The following IMMP2L variants were observed in gnomAD, a reference collection of about 807,000 sequenced individuals.
The protein encoded by IMMP2L is mitochondrial inner membrane protease subunit 2.
Under a neutral mutation model 19.3 loss-of-function variants are expected in IMMP2L, and 18 were observed. That is an observed-to-expected ratio of 0.93 (90% CI 0.64 to 1.38). The LOEUF (loss-of-function observed/expected upper bound fraction) is 1.38. Among genes scored for constraint, IMMP2L ranks in the 40% most tolerant of loss-of-function variants. The probability of loss-of-function intolerance (pLI) is 0.00; values close to 1 mark genes in which losing one functional copy is unlikely to be tolerated. For synonymous variants in IMMP2L, 76 were observed against 73.0 expected (o/e 1.04, Z -0.21); for missense variants, 233 against 218.2 (o/e 1.07, Z -0.43).
At chr7:111,412,710 C>A (rs1834544732) in intron 3 of IMMP2L, among the ~76,000 whole-genome samples, 1 of 151,690 alleles carries the variant, frequency 6.6e-6, no homozygotes, top group Admixed American at 6.6e-5. Flanking sequence ...TACCTCATAT[C>A]AATTTAATCA....
At chr7:110,772,111 CAGAGTCAAGGGGG>C (rs1413211479) in intron 5 of IMMP2L, among the ~76,000 whole-genome samples, 1 of 152,084 alleles carries the variant, frequency 6.6e-6, no homozygotes, top group Non-Finnish European at 1.5e-5. Context: ...CCTTAATCAT[CAGAGTCAAGGGGG>C]AGAGAGTGGT....
chr7:110,667,092 G>A (rs1053150407), intron 5 of IMMP2L, among the ~76,000 whole-genome samples: 6 of 152,050 alleles, frequency 3.9e-5, no homozygotes, highest in East Asian at 1.9e-4. Context: ...AGATGGTCTC[G>A]ATCTTCTGAC....
chr7:110,963,424 G>T, intron 4 of IMMP2L, 76 bp downstream of exon 4: 2 of 1,040,488 alleles, frequency 1.9e-6, no homozygotes, highest in Non-Finnish European at 2.9e-6. Flanking sequence ...GACTTCAGAT[G>T]TATTTCCCAA....
chr7:110,730,878 C>T (rs1242186997), intron 5 of IMMP2L, among the ~76,000 whole-genome samples: 1 of 152,184 alleles, frequency 6.6e-6, no homozygotes, highest in Non-Finnish European at 1.5e-5. Context: ...GGGACTTCAC[C>T]TTGTGATCGT....
At chr7:111,152,494 A>G (rs1298621434) in intron 3 of IMMP2L, among the ~76,000 whole-genome samples, 3 of 152,178 alleles carry the variant, frequency 2.0e-5, no homozygotes, top group African/African-American at 7.2e-5. Context: ...TTCTTAGTAG[A>G]ACAAATTTTG....
intron 4 of IMMP2L, among the ~76,000 whole-genome samples, chr7:110,926,175 T>C (rs1814829134): frequency 6.6e-6 from 1 of 152,046 alleles, no homozygotes; most frequent in Non-Finnish European, 1.5e-5. Flanking sequence ...TGTTTAAGTA[T>C]ATAATTGTAC....
rs572258847 is a variant in IMMP2L at position 110,663,239 on chromosome 7, T to C, written c.*363A>G. 127 of 194,290 alleles carry C rather than the reference T, an allele frequency of 6.5e-4. No homozygotes were observed. The highest frequency in any genetic ancestry group is 3.0e-3 in the African/African-American group (124 of 41,864). The allele number at this position is 194,290 out of a possible 1,614,324, so 12.0% of individuals were successfully genotyped here. ...TTATTGAATATTAATTTTCAATTTA[T>C]TTCAGCAGCAAGCACCAAAATCAAA... On this transcript the variant is annotated 3_prime_UTR_variant, in exon 6 of 6. Transcript: ENST00000405709.
At chr7:111,260,381 A>T (rs553598221) in intron 3 of IMMP2L, among the ~76,000 whole-genome samples, 1 of 152,296 alleles carries the variant, frequency 6.6e-6, no homozygotes, top group South Asian at 2.1e-4. Context: ...GTTAACTGAA[A>T]CATCATTATG....
intron 2 of IMMP2L, among the ~76,000 whole-genome samples, chr7:111,494,490 T>C (rs1255944506): frequency 6.6e-6 from 1 of 152,180 alleles, no homozygotes; most frequent in Non-Finnish European, 1.5e-5. Flanking sequence ...ACTCATCTAT[T>C]TCTCTGCTTC....
intron 3 of IMMP2L, among the ~76,000 whole-genome samples, chr7:111,414,728 T>G (rs1303042404): frequency 3.3e-5 from 5 of 151,822 alleles, no homozygotes; most frequent in African/African-American, 1.2e-4. Flanking sequence ...AATGTAAGAC[T>G]ATCATAATAG....
intron 4 of IMMP2L, among the ~76,000 whole-genome samples, chr7:110,949,318 G>A (rs182592860): frequency 1.4e-4 from 21 of 152,042 alleles, no homozygotes; most frequent in Non-Finnish European, 2.5e-4. Context: ...AGCAATTCAG[G>A]AAAATCTCAC....
chr7:110,875,054 T>C (rs889283179), intron 5 of IMMP2L, among the ~76,000 whole-genome samples: 9 of 152,106 alleles, frequency 5.9e-5, no homozygotes, highest in African/African-American at 2.2e-4. Context: ...CTGGTAATAC[T>C]GTTACAATGG....
chr7:111,343,195 T>C (rs1003486384), intron 3 of IMMP2L, among the ~76,000 whole-genome samples: 2 of 152,132 alleles, frequency 1.3e-5, no homozygotes, highest in Non-Finnish European at 2.9e-5. Context: ...AAATGTTAAT[T>C]GTATCAAGTC....
chr7:111,357,818 T>C (rs900662875), intron 3 of IMMP2L, among the ~76,000 whole-genome samples: 1 of 152,060 alleles, frequency 6.6e-6, no homozygotes, highest in East Asian at 1.9e-4. Flanking sequence ...CATTTCTATC[T>C]GGTACTTTTA....
intron 4 of IMMP2L, among the ~76,000 whole-genome samples, chr7:110,919,690 A>T (rs1814034894): frequency 3.3e-5 from 5 of 151,760 alleles, no homozygotes. Context: ...TGAAAAAAAA[A>T]TATTCTAAGA....
At chr7:110,886,522 C>T in intron 5 of IMMP2L, 71 bp downstream of exon 5, 2 of 832,702 alleles carry the variant, frequency 2.4e-6, no homozygotes, top group East Asian at 2.4e-5. Flanking sequence ...ACCTGAATAA[C>T]CTATCTGACA....
At chr7:111,554,649 G>T (rs1031755112) in intron 1 of IMMP2L, among the ~76,000 whole-genome samples, 4 of 151,812 alleles carry the variant, frequency 2.6e-5, no homozygotes, top group African/African-American at 9.7e-5. Flanking sequence ...TTGAGATGGA[G>T]TCTTGCTCTG....
chr7:111,227,002 T>C (rs1270801175), intron 3 of IMMP2L, among the ~76,000 whole-genome samples: 1 of 152,054 alleles, frequency 6.6e-6, no homozygotes, highest in Non-Finnish European at 1.5e-5. Flanking sequence ...TTCATATCCC[T>C]GATGAAATAG....
At chr7:111,009,944 A>G (rs1824754050) in intron 3 of IMMP2L, among the ~76,000 whole-genome samples, 1 of 152,120 alleles carries the variant, frequency 6.6e-6, no homozygotes, top group Non-Finnish European at 1.5e-5. Flanking sequence ...GTATGCCCTC[A>G]TTTACACAGG....
Sources: gnomAD v4.1 joint callset for allele counts (sites outside exome capture counted in the v4.1 genomes callset) on GRCh38, gnomAD v4.1.1 for gene constraint, MANE v1.5 for transcripts, NCBI Gene and HGNC (gene_info 2026-07-23, HGNC 2026-07-21) for gene names.